The following ENTREP2 variants were observed in gnomAD, a reference collection of about 807,000 sequenced individuals.
ENTREP2 encodes the protein endosomal transmembrane epsin interactor 2.
At chr15:29,534,386 T>C in the ENTREP2 span, among the ~76,000 whole-genome samples, 1 of 152,198 alleles carries the variant, frequency 6.6e-6, no homozygotes, top group Non-Finnish European at 1.5e-5. Flanking sequence ...CAGGATATTA[T>C]ACTGTTTTGT....
the ENTREP2 span, among the ~76,000 whole-genome samples, chr15:29,454,916 T>C: frequency 6.6e-6 from 1 of 152,232 alleles, no homozygotes; most frequent in African/African-American, 2.4e-5. Flanking sequence ...TAATGCATTA[T>C]ACACGTAAAG....
At chr15:29,446,748 A>G in the ENTREP2 span, among the ~76,000 whole-genome samples, 1 of 152,008 alleles carries the variant, frequency 6.6e-6, no homozygotes. Context: ...CCCTGTGGAG[A>G]CTCTAGGGCT....
chr15:29,670,578 A>C, the ENTREP2 span, among the ~76,000 whole-genome samples: 356 of 152,302 alleles, frequency 2.3e-3, 6 homozygotes, highest in Admixed American at 0.022. Context: ...GGGATGAGAA[A>C]AGCCAAATTA....
At chr15:29,601,454 T>G in the ENTREP2 span, among the ~76,000 whole-genome samples, 1 of 150,636 alleles carries the variant, frequency 6.6e-6, no homozygotes, top group East Asian at 2.0e-4. Flanking sequence ...TTTTCTAGAG[T>G]TACTTCCTCT....
the ENTREP2 span, among the ~76,000 whole-genome samples, chr15:29,497,661 T>C: frequency 2.0e-5 from 3 of 152,122 alleles, no homozygotes; most frequent in East Asian, 5.8e-4. Flanking sequence ...CTGATTTTAT[T>C]TTAGTCTTCT....
At chr15:29,623,774 G>A in the ENTREP2 span, among the ~76,000 whole-genome samples, 2 of 152,154 alleles carry the variant, frequency 1.3e-5, no homozygotes, top group African/African-American at 4.8e-5. Flanking sequence ...GGGACAGGAA[G>A]GAGGGAGGGT....
the ENTREP2 span, among the ~76,000 whole-genome samples, chr15:29,233,510 T>C: frequency 2.6e-5 from 4 of 152,188 alleles, no homozygotes; most frequent in African/African-American, 4.8e-5. Flanking sequence ...TTAGCTTACA[T>C]AGAAAATAAT....
At chr15:29,562,899 TC>T in the ENTREP2 span, among the ~76,000 whole-genome samples, 1 of 152,134 alleles carries the variant, frequency 6.6e-6, no homozygotes, top group Non-Finnish European at 1.5e-5. Context: ...CAGGTGATCC[TC>T]CCACCTCAGC....
chr15:29,619,327 G>C, the ENTREP2 span, among the ~76,000 whole-genome samples: 1 of 152,178 alleles, frequency 6.6e-6, no homozygotes, highest in African/African-American at 2.4e-5. Flanking sequence ...AGGAGGCGGA[G>C]GTTGCAGTGA....
chr15:29,448,066 T>A, the ENTREP2 span, among the ~76,000 whole-genome samples: 25 of 152,014 alleles, frequency 1.6e-4, no homozygotes, highest in African/African-American at 5.8e-4. Context: ...GGAGCGAGAC[T>A]CTCTGTCTCA....
chr15:29,600,902 C>CTTTT, the ENTREP2 span, among the ~76,000 whole-genome samples: 1 of 123,624 alleles, frequency 8.1e-6, no homozygotes, highest in Non-Finnish European at 1.6e-5. Flanking sequence ...ATTTTTCTTT[C>CTTTT]TTTTTTTTTT....
At chr15:29,124,732 TAC>T in the ENTREP2 span, 2 of 1,550,710 alleles carry the variant, frequency 1.3e-6, no homozygotes, top group South Asian at 2.4e-5. Context: ...AGGTCCTGGC[TAC>T]ACGACGGCCT....
At chr15:29,221,204 C>CTTT in the ENTREP2 span, among the ~76,000 whole-genome samples, 24 of 143,616 alleles carry the variant, frequency 1.7e-4, no homozygotes, top group African/African-American at 6.1e-4. Context: ...GCAAATGACA[C>CTTT]TTTTTTTTTT....
At chr15:29,662,239 A>G in the ENTREP2 span, among the ~76,000 whole-genome samples, 26 of 150,864 alleles carry the variant, frequency 1.7e-4, no homozygotes, top group Admixed American at 1.3e-3. Flanking sequence ...AAAAAGAAAG[A>G]AAAAAGAAAA....
At chr15:29,406,151 A>C in the ENTREP2 span, among the ~76,000 whole-genome samples, 1 of 152,204 alleles carries the variant, frequency 6.6e-6, no homozygotes, top group Non-Finnish European at 1.5e-5. Context: ...CACTGACATC[A>C]CCTTAATGGC....
the ENTREP2 span, chr15:29,611,033 T>A: frequency 6.6e-6 from 1 of 152,218 alleles, no homozygotes; most frequent in African/African-American, 2.4e-5. Context: ...CAGTCTAGCA[T>A]CCACTTGTAT....
chr15:29,475,933 A>AT, the ENTREP2 span, among the ~76,000 whole-genome samples: 2 of 152,208 alleles, frequency 1.3e-5, no homozygotes, highest in African/African-American at 4.8e-5. Context: ...TATCTTGTTC[A>AT]TAGTAAGATC....
At chr15:29,362,017 C>T in the ENTREP2 span, among the ~76,000 whole-genome samples, 1 of 152,140 alleles carries the variant, frequency 6.6e-6, no homozygotes, top group Non-Finnish European at 1.5e-5. Flanking sequence ...CCAACAGACA[C>T]GGATCACAGG....
the ENTREP2 span, among the ~76,000 whole-genome samples, chr15:29,298,432 A>T: frequency 6.6e-6 from 1 of 152,160 alleles, no homozygotes; most frequent in Non-Finnish European, 1.5e-5. Flanking sequence ...AGGGAAAAAC[A>T]ATTCATTGAT....
Sources: allele counts gnomAD v4.1 joint callset (sites outside exome capture counted in the v4.1 genomes callset), GRCh38; gene constraint gnomAD v4.1.1; transcripts MANE v1.5; gene names NCBI Gene and HGNC (gene_info 2026-07-23, HGNC 2026-07-21).